The following NEDD4 variants were observed in gnomAD, a reference collection of about 807,000 sequenced individuals.
NEDD4 encodes NEDD4 E3 ubiquitin protein ligase, also known as E3 ubiquitin-protein ligase NEDD4.
Under a neutral mutation model 144.9 loss-of-function variants are expected in NEDD4, and 99 were observed. The ratio of observed to expected loss-of-function variants is 0.68; its 90% CI spans 0.58 to 0.81. The LOEUF (loss-of-function observed/expected upper bound fraction) is 0.81. Ranked by LOEUF, NEDD4 falls within the 30% of genes least tolerant of loss-of-function variation. The pLI is 0.00. For synonymous variants in NEDD4, 318 were observed against 350.6 expected (o/e 0.91, Z 1.04); for missense variants, 985 against 1,065.9 (o/e 0.92, Z 1.06).
intron 4 of NEDD4, among the ~76,000 whole-genome samples, chr15:55,950,269 G>A (rs1259439711): frequency 1.3e-5 from 2 of 152,058 alleles, no homozygotes; most frequent in African/African-American, 4.8e-5. Context: ...CATAGAGTGG[G>A]GAAAATCTTA....
At chr15:55,986,801 T>G (rs1431524796) in intron 1 of NEDD4, among the ~76,000 whole-genome samples, 1 of 151,776 alleles carries the variant, frequency 6.6e-6, no homozygotes, top group African/African-American at 2.4e-5. Flanking sequence ...TTCACCATGT[T>G]AGCCAGGATA....
At chr15:55,951,741 G>A (rs920974040) in intron 2 of NEDD4, among the ~76,000 whole-genome samples, 152 bp from the exon 3 acceptor site, 1 of 151,952 alleles carries the variant, frequency 6.6e-6, no homozygotes, top group Non-Finnish European at 1.5e-5. Flanking sequence ...AGGCAGGTAA[G>A]CAATTAAAGT....
At chr15:55,958,710 T>G (rs2037378453) in intron 2 of NEDD4, among the ~76,000 whole-genome samples, 1 of 152,176 alleles carries the variant, frequency 6.6e-6, no homozygotes, top group Admixed American at 6.5e-5. Context: ...AAACATCTAT[T>G]AAAGTTTTGT....
rs57940091 is a variant in NEDD4 at position 55,927,077 on chromosome 15, CAAAAAAAAAAAA to C, written c.238-2390_238-2379del. 7.4e-3 allele frequency among the ~76,000 whole-genome samples: 521 copies of C among 70,696 alleles called. 3 individuals are homozygous for C. The highest frequency in any genetic ancestry group is 0.026 in the African/African-American group (500 of 19,182). The allele number at this position is 70,696 out of a possible 152,430, so 46.4% of individuals were successfully genotyped here. A position where few individuals can be genotyped will look rare whatever the true frequency, so the allele number is the denominator to read the frequency against. Reference sequence around the variant, plus strand: ...TGGGCAACAGAGTGAGACTACGTCTCAAAAAAAAAAAAAAAAAAAAAAGAAAGAAAGAAAAAG... The same window carrying C: ...TGGGCAACAGAGTGAGACTACGTCTCAAAAAAAAAAGAAAGAAAGAAAAAG... On this transcript the variant is annotated intron_variant, in intron 4 of 28. Coordinates refer to ENST00000435532, the MANE Select transcript of NEDD4 (RefSeq NM_006154.4).
chr15:55,910,482 T>TA (rs773307919), intron 5 of NEDD4, among the ~76,000 whole-genome samples: 33 of 152,140 alleles, frequency 2.2e-4, no homozygotes, highest in Non-Finnish European at 3.8e-4. Context: ...GGTTCCTCCT[T>TA]AGTCTCTTCT....
At chr15:55,927,368 T>C (rs71476753) in intron 4 of NEDD4, among the ~76,000 whole-genome samples, 10,501 of 152,082 alleles carry the variant, frequency 0.069, 471 homozygotes, top group Non-Finnish European at 0.1. Flanking sequence ...TGGAATGCAG[T>C]GGTGCGATCA....
chr15:55,993,538 C>CA lies in NEDD4; in HGVS notation c.17dup (p.Glu7GlyfsTer34). 5.6e-6 allele frequency: 9 copies of CA among 1,597,488 alleles called. No homozygotes were observed. Among genetic ancestry groups the CA allele is most frequent in the Non-Finnish European group, 7.7e-6 (9 of 1,174,160 alleles). On this transcript the variant is annotated frameshift_variant, in exon 1 of 29. Coordinates refer to ENST00000435532, the MANE Select transcript of NEDD4 (RefSeq NM_006154.4). LOFTEE classifies it high-confidence loss of function. Reference sequence around the variant, plus strand: ...CGTCCTCCAGGAGCCCGAACACCTCCACCGCGCAAGTTGCCATTTCCGAAC... The same window carrying CA: ...CGTCCTCCAGGAGCCCGAACACCTCCAACCGCGCAAGTTGCCATTTCCGAAC...
At chr15:55,986,631 C>T (rs572131566) in intron 1 of NEDD4, among the ~76,000 whole-genome samples, 7 of 138,210 alleles carry the variant, frequency 5.1e-5, no homozygotes, top group African/African-American at 8.4e-5. Context: ...GCTCCGTCGC[C>T]GAGGCTGGAG....
intron 4 of NEDD4, chr15:55,934,891 T>G (rs1383745756): frequency 1.5e-5 from 1 of 65,474 alleles, no homozygotes; most frequent in Non-Finnish European, 2.7e-5. Flanking sequence ...TTTTTTGAAA[T>G]GGAGTCTCAC....
chr15:55,864,513 C>G (rs535678651), intron 8 of NEDD4, among the ~76,000 whole-genome samples: 18 of 152,032 alleles, frequency 1.2e-4, no homozygotes, highest in South Asian at 2.1e-4. Flanking sequence ...GAAACCCCAT[C>G]TCTACTAAAA....
chr15:55,920,789 T>A (rs534938055), intron 5 of NEDD4, among the ~76,000 whole-genome samples: 28 of 152,308 alleles, frequency 1.8e-4, no homozygotes, highest in African/African-American at 6.3e-4. Flanking sequence ...TACAATCAGG[T>A]CTGTTACTCC....
intron 2 of NEDD4, among the ~76,000 whole-genome samples, chr15:55,956,634 A>G (rs2037342747): frequency 6.6e-6 from 1 of 152,096 alleles, no homozygotes; most frequent in Admixed American, 6.5e-5. Context: ...ACACATGCGC[A>G]TGTATTTTTA....
intron 2 of NEDD4, among the ~76,000 whole-genome samples, chr15:55,957,326 T>C (rs62045209): frequency 0.11 from 16,878 of 152,210 alleles, 1,203 homozygotes; most frequent in African/African-American, 0.19. Context: ...TATAGTACAA[T>C]GTTGGATAGA....
intron 27 of NEDD4, among the ~76,000 whole-genome samples, chr15:55,831,626 G>A (rs2141955568): frequency 6.6e-6 from 1 of 152,294 alleles, no homozygotes; most frequent in Middle Eastern, 3.4e-3. Flanking sequence ...ACTTTGAGTG[G>A]TTACTCTAGG....
intron 5 of NEDD4, among the ~76,000 whole-genome samples, chr15:55,878,054 G>A (rs1240934807): frequency 5.9e-5 from 9 of 152,054 alleles, no homozygotes; most frequent in African/African-American, 2.2e-4. Context: ...TTTTACTGGA[G>A]AATCATATTT....
chr15:55,832,445 C>T (rs149707636), intron 27 of NEDD4, among the ~76,000 whole-genome samples: 5 of 152,090 alleles, frequency 3.3e-5, no homozygotes, highest in African/African-American at 1.2e-4. Flanking sequence ...GACAGGGTCT[C>T]AGTCTGTCAC....
At chr15:55,974,791 T>C (rs1337548790) in intron 1 of NEDD4, among the ~76,000 whole-genome samples, 1 of 150,708 alleles carries the variant, frequency 6.6e-6, no homozygotes, top group Admixed American at 6.6e-5. Flanking sequence ...AAAAGCCATA[T>C]ATGACAGACC....
intron 5 of NEDD4, among the ~76,000 whole-genome samples, chr15:55,895,021 T>C (rs2035695576): frequency 6.6e-6 from 1 of 152,164 alleles, no homozygotes; most frequent in African/African-American, 2.4e-5. Context: ...GAGGGGCTCA[T>C]CCCATTGTTT....
chr15:55,916,759 C>G (rs780956620), intron 5 of NEDD4: 1 of 1,613,932 alleles, frequency 6.2e-7, no homozygotes, highest in East Asian at 2.2e-5. Context: ...TCCAAGTCAT[C>G]TCCGGAGGTT....
Sources: gnomAD v4.1 joint callset for allele counts (sites outside exome capture counted in the v4.1 genomes callset) on GRCh38, gnomAD v4.1.1 for gene constraint, MANE v1.5 for transcripts, NCBI Gene and HGNC (gene_info 2026-07-23, HGNC 2026-07-21) for gene names.